DMRT1: variants seen among roughly 807,000 people sequenced by gnomAD.
DMRT1 encodes doublesex and mab-3 related transcription factor 1.
Under a neutral mutation model 32.3 loss-of-function variants are expected in DMRT1, and 7 were observed. The ratio of observed to expected loss-of-function variants is 0.22; its 90% CI spans 0.12 to 0.41. The LOEUF is 0.41. DMRT1 is among the 10% of genes least tolerant of loss of function. The pLI is 1.00. For synonymous variants in DMRT1, 278 were observed against 206.1 expected (o/e 1.35, Z -2.99); for missense variants, 625 against 500.5 (o/e 1.25, Z -2.37).
At chr9:958,832 C>T (rs530205520) in intron 4 of DMRT1, among the ~76,000 whole-genome samples, 9 of 152,320 alleles carry the variant, frequency 5.9e-5, no homozygotes, top group East Asian at 3.9e-4. Flanking sequence ...AGCTCATTGG[C>T]GCTCTGGATG....
chr9:937,555 G>A (rs1020269408), intron 4 of DMRT1, among the ~76,000 whole-genome samples: 1 of 152,114 alleles, frequency 6.6e-6, no homozygotes, highest in Non-Finnish European at 1.5e-5. Flanking sequence ...GGTGTAAAGT[G>A]GAATCTGATC....
At chr9:912,091 CGAA>C (rs1564245627) in intron 3 of DMRT1, among the ~76,000 whole-genome samples, 1 of 152,130 alleles carries the variant, frequency 6.6e-6, no homozygotes, top group East Asian at 1.9e-4. Context: ...TGTCAGAAGG[CGAA>C]GAAGAAGCAG....
At chr9:945,998 A>T (rs1048251566) in intron 4 of DMRT1, among the ~76,000 whole-genome samples, 1 of 152,172 alleles carries the variant, frequency 6.6e-6, no homozygotes, top group Non-Finnish European at 1.5e-5. Flanking sequence ...GCTTGGTCTT[A>T]GAGATCTTAC....
intron 4 of DMRT1, among the ~76,000 whole-genome samples, chr9:930,997 A>C (rs1394597428): frequency 2.0e-5 from 3 of 152,130 alleles, no homozygotes; most frequent in Non-Finnish European, 4.4e-5. Flanking sequence ...TCCCCAAAAC[A>C]ATCCCCATAT....
At chr9:961,518 G>A (rs1440982832) in intron 4 of DMRT1, among the ~76,000 whole-genome samples, 1 of 152,134 alleles carries the variant, frequency 6.6e-6, no homozygotes, top group Non-Finnish European at 1.5e-5. Flanking sequence ...TATAAAGTAT[G>A]TTCACAGACA....
At chr9:929,003 A>T (rs556879091) in intron 4 of DMRT1, among the ~76,000 whole-genome samples, 4 of 151,724 alleles carry the variant, frequency 2.6e-5, no homozygotes, top group African/African-American at 7.3e-5. Context: ...AAGCCTGGCT[A>T]ATTTTTTGTA....
intron 4 of DMRT1, among the ~76,000 whole-genome samples, chr9:962,132 TTGAC>T (rs1270955013): frequency 1.3e-5 from 2 of 152,198 alleles, no homozygotes; most frequent in African/African-American, 4.8e-5. Context: ...TAGAGTGACT[TTGAC>T]TGTTTGGATT....
In DMRT1 at chr9:846,957, C is replaced by T. The variant is rs1453897790; in HGVS notation, c.355-3C>T. On this transcript the variant is annotated splice_polypyrimidine_tract_variant and splice_region_variant and intron_variant, in intron 1 of 4. Transcript: ENST00000382276. The stretch of plus-strand genomic sequence containing the variant: ...AGGATGACTCATTGTCGTGTGCTTC[C>T]AGGTGGCCCTGAGAAGGCAGCAGGC... The T allele has an allele frequency of 2.5e-6, 4 of 1,614,096 alleles. No individual in the cohort carries two copies. The highest frequency in any genetic ancestry group is 2.5e-6 in the Non-Finnish European group (3 of 1,180,050).
intron 4 of DMRT1, among the ~76,000 whole-genome samples, chr9:959,526 TTGTTTTG>T (rs1424988513): frequency 8.5e-5 from 13 of 152,158 alleles, no homozygotes; most frequent in African/African-American, 2.9e-4. Flanking sequence ...TGTTGTTGTT[TTGTTTTG>T]TTTTTTGTTT....
At chr9:849,959 G>A (rs1462623296) in intron 2 of DMRT1, among the ~76,000 whole-genome samples, 1 of 152,198 alleles carries the variant, frequency 6.6e-6, no homozygotes, top group South Asian at 2.1e-4. Flanking sequence ...AAGTAGCTGG[G>A]ATTACAAGCA....
intron 4 of DMRT1, among the ~76,000 whole-genome samples, chr9:954,633 T>G (rs1033456742): frequency 6.6e-6 from 1 of 151,134 alleles, no homozygotes; most frequent in Non-Finnish European, 1.5e-5. Context: ...TTGTTGTTGT[T>G]TGGGCTTTAT....
intron 3 of DMRT1, among the ~76,000 whole-genome samples, chr9:912,446 ATGTT>A (rs912576510): frequency 6.6e-6 from 1 of 152,228 alleles, no homozygotes; most frequent in Admixed American, 6.5e-5. Flanking sequence ...AGGATAGTGA[ATGTT>A]TGAATATAAA....
chr9:922,022 A>G (rs1380523679), intron 4 of DMRT1, among the ~76,000 whole-genome samples: 1 of 150,954 alleles, frequency 6.6e-6, no homozygotes, highest in East Asian at 2.0e-4. Flanking sequence ...CTAGGACTAC[A>G]GGTGAGCACC....
chr9:860,542 T>C (rs545598634), intron 2 of DMRT1, among the ~76,000 whole-genome samples: 2 of 152,282 alleles, frequency 1.3e-5, no homozygotes, highest in South Asian at 4.1e-4. Flanking sequence ...GATCCTATTC[T>C]AGGTGCAGGA....
At chr9:937,163 G>A (rs1234386812) in intron 4 of DMRT1, among the ~76,000 whole-genome samples, 1 of 152,140 alleles carries the variant, frequency 6.6e-6, no homozygotes, top group East Asian at 1.9e-4. Context: ...CCATGTTGTG[G>A]CATGTGTCAG....
Position 841,894 on chromosome 9 carries a change from C to G in DMRT1, c.56C>G (p.Ala19Gly). The stretch of plus-strand genomic sequence containing the variant: ...TCTACACCGTCGGAAGCCCCTCACG[C>G]CCCCGGGGTACCGCCGCAGGGCAGA... The part of the protein sequence containing the change: ...KPSTPSEAPH[A>G]PGVPPQGRAG... Residue 19 changes from alanine (A) to glycine (G), a missense_variant, in exon 1 of 5, where the codon GCC becomes GGC. By Grantham distance (60) the Ala-to-Gly change is moderately conservative (BLOSUM62 0). Coordinates refer to ENST00000382276, the MANE Select transcript of DMRT1 (RefSeq NM_021951.3). 1.2e-6 allele frequency: 2 copies of G among 1,611,766 alleles called. No homozygotes were observed. The highest frequency in any genetic ancestry group is 1.7e-6 in the Non-Finnish European group (2 of 1,179,096).
intron 3 of DMRT1, among the ~76,000 whole-genome samples, chr9:904,430 T>C (rs949366407): frequency 5.9e-5 from 9 of 152,230 alleles, no homozygotes; most frequent in Admixed American, 3.3e-4. Context: ...ATCAAGGGAA[T>C]GCATAACAGG....
intron 2 of DMRT1, among the ~76,000 whole-genome samples, chr9:876,507 G>C (rs1170620197): frequency 6.7e-6 from 1 of 150,310 alleles, no homozygotes; most frequent in Non-Finnish European, 1.5e-5. Context: ...GAAACTGCTA[G>C]GTTGACTCCT....
chr9:926,758 G>C (rs1039801267), intron 4 of DMRT1, among the ~76,000 whole-genome samples: 14 of 152,058 alleles, frequency 9.2e-5, no homozygotes, highest in Admixed American at 2.0e-4. Flanking sequence ...TAAATGCTCT[G>C]ACATAGCCAG....
Sources: allele counts gnomAD v4.1 joint callset (sites outside exome capture counted in the v4.1 genomes callset), GRCh38; gene constraint gnomAD v4.1.1; transcripts MANE v1.5; gene names NCBI Gene and HGNC (gene_info 2026-07-23, HGNC 2026-07-21).